CLSTN2: variants seen among roughly 807,000 people sequenced by gnomAD.
CLSTN2 encodes the protein calsyntenin 2.
Under a neutral mutation model 101.2 loss-of-function variants are expected in CLSTN2, and 48 were observed. That is an observed-to-expected ratio of 0.47 (90% CI 0.38 to 0.60). CLSTN2 has a LOEUF of 0.60. CLSTN2 is among the 20% of genes least tolerant of loss of function. CLSTN2 has a pLI of 0.00. For missense variants in CLSTN2, 1,160 were observed against 1,238.2 expected, an observed-to-expected ratio of 0.94 and a Z score of 0.95; for synonymous variants, 481 against 463.6, an observed-to-expected ratio of 1.04 and a Z score of -0.48.
intron 8 of CLSTN2, among the ~76,000 whole-genome samples, chr3:140,517,058 T>C (rs1934932217): frequency 6.6e-6 from 1 of 152,200 alleles, no homozygotes; most frequent in Non-Finnish European, 1.5e-5. Context: ...TTGCAGTGAG[T>C]TAATTCAAAA....
chr3:140,425,891 T>C (rs1327127878), intron 5 of CLSTN2, among the ~76,000 whole-genome samples: 3 of 152,168 alleles, frequency 2.0e-5, no homozygotes, highest in South Asian at 2.1e-4. Flanking sequence ...GGGAAGAGGA[T>C]GGCTCAAAGC....
At chr3:140,403,889 T>C (rs1054972596) in intron 3 of CLSTN2, 65 bp downstream of exon 3, 1 of 1,254,230 alleles carries the variant, frequency 8.0e-7, no homozygotes, top group East Asian at 2.5e-5. Flanking sequence ...TTCATTCACA[T>C]GCTGCTCTTC....
At position 140,081,564 on chromosome 3, in the gene CLSTN2, G is replaced by A. The variant is rs578262579; in HGVS notation, c.110-94387G>A. Among the ~76,000 whole-genome samples, 50 of 152,224 alleles carry A rather than the reference G, an allele frequency of 3.3e-4. No homozygotes were observed. The South Asian group carries it at 9.3e-3, about 28-fold the overall frequency. ...CTCAGTTTCTGCGCTGCAGCCCCAG[G>A]CACTGGGAGGGTCACACTGGTGTAT... On this transcript the variant is annotated intron_variant, in intron 1 of 16. Coordinates refer to ENST00000458420, the MANE Select transcript of CLSTN2 (RefSeq NM_022131.3).
At chr3:140,414,262 CA>C (rs2088400608) in intron 4 of CLSTN2, among the ~76,000 whole-genome samples, 1 of 151,626 alleles carries the variant, frequency 6.6e-6, no homozygotes, top group African/African-American at 2.4e-5. Flanking sequence ...ACAAACTATC[CA>C]AAAAAATTTT....
chr3:140,442,915 C>A (rs1198783054), intron 5 of CLSTN2, among the ~76,000 whole-genome samples: 1 of 152,224 alleles, frequency 6.6e-6, no homozygotes, highest in Non-Finnish European at 1.5e-5. Context: ...GCACTCACTG[C>A]TGAGCAAAGG....
chr3:140,551,510 T>C (rs988095140), intron 10 of CLSTN2, among the ~76,000 whole-genome samples: 1 of 151,958 alleles, frequency 6.6e-6, no homozygotes, highest in African/African-American at 2.4e-5. Flanking sequence ...ATCTCCATCA[T>C]GTGGAAGAGT....
intron 2 of CLSTN2, among the ~76,000 whole-genome samples, chr3:140,328,229 G>C (rs1288719362): frequency 1.3e-5 from 2 of 152,138 alleles, no homozygotes; most frequent in Non-Finnish European, 2.9e-5. Context: ...TAAATAATGT[G>C]TCTTTTTCTT....
intron 1 of CLSTN2, among the ~76,000 whole-genome samples, chr3:139,975,637 C>A (rs1467640716): frequency 1.3e-5 from 2 of 152,146 alleles, no homozygotes; most frequent in Non-Finnish European, 2.9e-5. Flanking sequence ...ACAACTTGGG[C>A]TTCTTGAAAC....
chr3:140,430,207 C>T (rs923517992), intron 5 of CLSTN2, among the ~76,000 whole-genome samples: 2 of 152,122 alleles, frequency 1.3e-5, no homozygotes, highest in Non-Finnish European at 2.9e-5. Flanking sequence ...ACTGTCCTGC[C>T]AGGGTGTCTG....
chr3:139,960,700 A>G (rs1487213697), intron 1 of CLSTN2, among the ~76,000 whole-genome samples: 1 of 152,168 alleles, frequency 6.6e-6, no homozygotes, highest in Non-Finnish European at 1.5e-5. Flanking sequence ...AGGTTCAACC[A>G]TGTTAGAATA....
intron 1 of CLSTN2, among the ~76,000 whole-genome samples, chr3:140,117,009 C>A (rs1388764351): frequency 6.6e-6 from 1 of 152,164 alleles, no homozygotes; most frequent in East Asian, 1.9e-4. Flanking sequence ...TGGAGCCCCC[C>A]TTTCCCCTGC....
chr3:140,514,507 C>A (rs781360735), intron 8 of CLSTN2, among the ~76,000 whole-genome samples: 13 of 152,130 alleles, frequency 8.5e-5, no homozygotes, highest in Non-Finnish European at 1.6e-4. Context: ...ACATATACTA[C>A]AATTTCTTTA....
At chr3:140,427,244 T>TATATATATATAAATACAC (rs371684488) in intron 5 of CLSTN2, among the ~76,000 whole-genome samples, 1 of 127,570 alleles carries the variant, frequency 7.8e-6, no homozygotes, top group Non-Finnish European at 1.5e-5. Flanking sequence ...TATATATATA[T>TATATATATATAAATACAC]ACATATATAT....
chr3:139,961,810 GA>G (rs1422372503), intron 1 of CLSTN2, among the ~76,000 whole-genome samples: 8 of 152,050 alleles, frequency 5.3e-5, no homozygotes, highest in Admixed American at 3.3e-4. Context: ...AAAAATGAAT[GA>G]TAACCCCCAT....
At chr3:140,002,680 T>C (rs938617471) in intron 1 of CLSTN2, among the ~76,000 whole-genome samples, 1 of 152,206 alleles carries the variant, frequency 6.6e-6, no homozygotes, top group African/African-American at 2.4e-5. Flanking sequence ...CTTGTAGTAG[T>C]TTCATAATTT....
intron 1 of CLSTN2, among the ~76,000 whole-genome samples, chr3:140,082,995 G>A (rs1358871951): frequency 6.6e-6 from 1 of 152,154 alleles, no homozygotes; most frequent in Admixed American, 6.5e-5. Context: ...TACACATGCT[G>A]TTTCCGCTGC....
intron 8 of CLSTN2, among the ~76,000 whole-genome samples, chr3:140,491,029 G>A (rs781632935): frequency 3.9e-5 from 6 of 152,190 alleles, no homozygotes; most frequent in South Asian, 2.1e-4. Context: ...GTCAACCCCC[G>A]TAAGTCATAC....
chr3:140,277,204 G>C (rs2086803071), intron 2 of CLSTN2, among the ~76,000 whole-genome samples: 1 of 152,202 alleles, frequency 6.6e-6, no homozygotes, highest in African/African-American at 2.4e-5. Flanking sequence ...TGTGATTCTT[G>C]AGGTGCTTTG....
chr3:140,315,830 A>G (rs997126258), intron 2 of CLSTN2, among the ~76,000 whole-genome samples: 4 of 152,132 alleles, frequency 2.6e-5, no homozygotes, highest in Non-Finnish European at 4.4e-5. Flanking sequence ...CCAAAGCAGG[A>G]GCTATCGGCT....
Sources: gnomAD v4.1 joint callset for allele counts (sites outside exome capture counted in the v4.1 genomes callset) on GRCh38, gnomAD v4.1.1 for gene constraint, MANE v1.5 for transcripts, NCBI Gene and HGNC (gene_info 2026-07-23, HGNC 2026-07-21) for gene names.